Variants in MEF2A observed in about 807,000 individuals in gnomAD.
MEF2A encodes the protein myocyte-specific enhancer factor 2A.
Under a neutral mutation model 55.8 loss-of-function variants are expected in MEF2A, and 28 were observed. The ratio of observed to expected loss-of-function variants is 0.50; its 90% CI spans 0.37 to 0.69. The LOEUF (loss-of-function observed/expected upper bound fraction) is 0.69. Ranked by LOEUF, MEF2A falls within the 30% of genes least tolerant of loss-of-function variation. The pLI is 0.00. For missense variants in MEF2A, 528 were observed against 626.2 expected, an observed-to-expected ratio of 0.84 and a Z score of 1.67; for synonymous variants, 239 against 227.1, an observed-to-expected ratio of 1.05 and a Z score of -0.47.
At chr15:99,573,286 C>CA (rs66573508) in intron 1 of MEF2A, among the ~76,000 whole-genome samples, 1,420 of 86,306 alleles carry the variant, frequency 0.016, 26 homozygotes, top group African/African-American at 0.05. Flanking sequence ...GACTCCGTCT[C>CA]AAAAAAAAAA....
At chr15:99,577,505 C>T (rs1224689507) in intron 1 of MEF2A, among the ~76,000 whole-genome samples, 1 of 152,084 alleles carries the variant, frequency 6.6e-6, no homozygotes. Context: ...TACACATCTG[C>T]AAGGGTAATT....
chr15:99,610,669 T>A (rs1323341879), intron 2 of MEF2A, among the ~76,000 whole-genome samples: 1 of 152,128 alleles, frequency 6.6e-6, no homozygotes, highest in Admixed American at 6.5e-5. Context: ...TGATTTTTTT[T>A]AATTATTATT....
chr15:99,588,079 G>A (rs1012207544), intron 1 of MEF2A, among the ~76,000 whole-genome samples: 8 of 151,144 alleles, frequency 5.3e-5, no homozygotes, highest in African/African-American at 2.0e-4. Context: ...CTCTTTATAG[G>A]TTGAGGAAGT....
At chr15:99,678,681 A>G in intron 7 of MEF2A, 1 of 984,754 alleles carries the variant, frequency 1.0e-6, no homozygotes, top group Non-Finnish European at 1.2e-6. Flanking sequence ...GGCATCCTTG[A>G]GACTTTTAAA....
chr15:99,624,105 G>A (rs988218067), intron 2 of MEF2A, among the ~76,000 whole-genome samples: 5 of 152,068 alleles, frequency 3.3e-5, no homozygotes, highest in East Asian at 1.9e-4. Flanking sequence ...GCGCCCGGCC[G>A]TGATCTGCAG....
At chr15:99,688,305 G>A (rs1053081053) in intron 7 of MEF2A, among the ~76,000 whole-genome samples, 2 of 152,200 alleles carry the variant, frequency 1.3e-5, no homozygotes, top group Admixed American at 1.3e-4. Context: ...GGCTTAAATT[G>A]TATAGGGGAT....
intron 1 of MEF2A, among the ~76,000 whole-genome samples, chr15:99,574,935 A>C (rs1354742325): frequency 6.6e-6 from 1 of 152,228 alleles, no homozygotes; most frequent in African/African-American, 2.4e-5. Flanking sequence ...TGCACTGTGT[A>C]CATTTCTAAC....
At chr15:99,573,074 G>A (rs1962992501) in intron 1 of MEF2A, among the ~76,000 whole-genome samples, 1 of 152,074 alleles carries the variant, frequency 6.6e-6, no homozygotes, top group Non-Finnish European at 1.5e-5. Flanking sequence ...GATTCACGAG[G>A]TCAGGAGATC....
At chr15:99,659,007 G>C (rs527839602) in intron 4 of MEF2A, among the ~76,000 whole-genome samples, 108 of 152,076 alleles carry the variant, frequency 7.1e-4, no homozygotes, top group African/African-American at 2.5e-3. Flanking sequence ...GGGTGCTTTC[G>C]ATAAATTTTG....
rs370609795 is a variant in MEF2A at position 99,700,254 on chromosome 15, C to T, written c.859-3108C>T. 2.8e-3 allele frequency among the ~76,000 whole-genome samples: 391 copies of T among 141,838 alleles called. 5 individuals are homozygous for T. The highest frequency in any genetic ancestry group is 9.6e-3 in the African/African-American group (370 of 38,618). The allele number at this position is 141,838 out of a possible 152,430, so 93.1% of individuals were successfully genotyped here. A position where few individuals can be genotyped will look rare whatever the true frequency, so the allele number is the denominator to read the frequency against. ...TCTGGCTGGGCACAGTGGCTCGTGC[C>T]TGTAATCCCAGCACTTCGGGAGGCT... On this transcript the variant is annotated intron_variant, in intron 8 of 11. Coordinates refer to ENST00000557942, the MANE Select transcript of MEF2A (RefSeq NM_001319206.4).
intron 7 of MEF2A, among the ~76,000 whole-genome samples, chr15:99,675,806 G>A (rs1222560482): frequency 6.6e-6 from 1 of 152,182 alleles, no homozygotes; most frequent in East Asian, 1.9e-4. Flanking sequence ...GGGAGGACGA[G>A]GTGGGCAGAT....
At chr15:99,651,853 C>T (rs2046900243) in intron 4 of MEF2A, among the ~76,000 whole-genome samples, 1 of 152,128 alleles carries the variant, frequency 6.6e-6, no homozygotes, top group South Asian at 2.1e-4. Context: ...GTCATTGATA[C>T]ACAAATGAGA....
intron 2 of MEF2A, among the ~76,000 whole-genome samples, chr15:99,626,543 A>G (rs1465861167): frequency 6.6e-6 from 1 of 152,080 alleles, no homozygotes; most frequent in Non-Finnish European, 1.5e-5. Context: ...AAATCACAGC[A>G]TCTTAATTTT....
At chr15:99,672,557 G>A (rs1239211548) in intron 5 of MEF2A, among the ~76,000 whole-genome samples, 5 of 152,134 alleles carry the variant, frequency 3.3e-5, no homozygotes, top group African/African-American at 9.7e-5. Flanking sequence ...ATTTATTTTA[G>A]CATCAGAGTT....
chr15:99,669,694 A>C (rs2050473772), intron 4 of MEF2A, among the ~76,000 whole-genome samples: 2 of 152,246 alleles, frequency 1.3e-5, no homozygotes, highest in African/African-American at 4.8e-5. Context: ...TTTAAAAATC[A>C]CATTGAATAA....
At chr15:99,652,656 A>G (rs948350117) in intron 4 of MEF2A, among the ~76,000 whole-genome samples, 1 of 152,208 alleles carries the variant, frequency 6.6e-6, no homozygotes, top group Non-Finnish European at 1.5e-5. Context: ...TGAGCTATAT[A>G]AGGCCCTTCA....
chr15:99,667,425 C>T (rs1596997807), intron 4 of MEF2A, among the ~76,000 whole-genome samples: 1 of 152,106 alleles, frequency 6.6e-6, no homozygotes, highest in Admixed American at 6.5e-5. Context: ...GGGGTTTCAC[C>T]GTGTTAGCAG....
intron 2 of MEF2A, among the ~76,000 whole-genome samples, chr15:99,625,986 A>C (rs1388208248): frequency 2.0e-5 from 3 of 152,136 alleles, no homozygotes; most frequent in African/African-American, 7.2e-5. Context: ...ATGAGTTAGA[A>C]GATGTTCCTC....
chr15:99,576,301 T>TA (rs965743987), intron 1 of MEF2A, among the ~76,000 whole-genome samples: 11 of 152,232 alleles, frequency 7.2e-5, no homozygotes, highest in Admixed American at 7.2e-4. Flanking sequence ...TTTAAATAAC[T>TA]ACTTTCACCG....
Sources: gnomAD v4.1 joint callset for allele counts (sites outside exome capture counted in the v4.1 genomes callset) on GRCh38, gnomAD v4.1.1 for gene constraint, MANE v1.5 for transcripts, NCBI Gene and HGNC (gene_info 2026-07-23, HGNC 2026-07-21) for gene names.